IGSF3: variants seen among roughly 807,000 people sequenced by gnomAD.
The protein encoded by IGSF3 is immunoglobulin superfamily member 3.
Under a neutral mutation model 114.4 loss-of-function variants are expected in IGSF3, and 23 were observed. That is an observed-to-expected ratio of 0.20 (90% CI 0.14 to 0.28). The LOEUF is 0.28. IGSF3 is among the 10% of genes least tolerant of loss of function. IGSF3 has a pLI of 1.00. For synonymous variants in IGSF3, 571 were observed against 645.2 expected, an observed-to-expected ratio of 0.88 and a Z score of 1.74; for missense variants, 1,172 against 1,591.5, an observed-to-expected ratio of 0.74 and a Z score of 4.48.
intron 6 of IGSF3, among the ~76,000 whole-genome samples, chr1:116,602,382 C>T (rs1660629944): frequency 6.6e-6 from 1 of 151,410 alleles, no homozygotes; most frequent in Non-Finnish European, 1.5e-5. Context: ...AAAAACACAC[C>T]AGTACTGGAC....
At chr1:116,643,255 C>T (rs1473240389) in intron 2 of IGSF3, among the ~76,000 whole-genome samples, 1 of 152,246 alleles carries the variant, frequency 6.6e-6, no homozygotes, top group African/African-American at 2.4e-5. Context: ...GAACCCAGGT[C>T]TCTGATTCCC....
rs1659523813 is a variant in IGSF3, at chr1:116,579,828, C to T, written c.2898G>A (p.Glu966=). The change falls in exon 10 of 11, where the codon GAG becomes GAA. Residue 966 remains glutamate (E), a synonymous_variant. Transcript: ENST00000369486. This position sits in a 1 kb window ranked among gnomAD's most constrained non-coding sequence, Gnocchi z 6.4. Reference sequence around the variant, plus strand: ...TACAGTCCAGCTGGAAAGCTGCCTTCTCAGAGACCGTGGCATTGGGGACCA... The same window carrying T: ...TACAGTCCAGCTGGAAAGCTGCCTTTTCAGAGACCGTGGCATTGGGGACCA... ...DTVVPNATVS[E]KAAFQLDCSI... 1 of 1,613,030 alleles carries T rather than the reference C, an allele frequency of 6.2e-7. No homozygotes were observed. Among genetic ancestry groups the T allele is most frequent in the African/African-American group, 1.3e-5 (1 of 74,936 alleles).
rs1042972493 is a variant in IGSF3, at chr1:116,592,515, T to C, written c.2030-3411A>G. On this transcript the variant is annotated intron_variant, in intron 7 of 10. Coordinates refer to ENST00000369486, the MANE Select transcript of IGSF3 (RefSeq NM_001007237.3). This position sits in a 1 kb window ranked among gnomAD's most constrained non-coding sequence, Gnocchi z 4.5. ...AAACTTGGAAGATCTGTGTTTTGTA[T>C]GGTAGGAGAGGCTGTTGTGTTTGTT... Among the ~76,000 whole-genome samples the C allele has an allele frequency of 5.3e-5, 8 of 152,170 alleles. No individual in the cohort carries two copies. Among genetic ancestry groups the C allele is most frequent in the Non-Finnish European group, 1.0e-4 (7 of 68,030 alleles).
chr1:116,638,797 T>C lies in IGSF3; in HGVS notation c.44-22340A>G, dbSNP rs1028734808. On this transcript the variant is annotated intron_variant, in intron 2 of 10. Coordinates refer to ENST00000369486, the MANE Select transcript of IGSF3 (RefSeq NM_001007237.3). The surrounding 1 kb of genome is among the most constrained non-coding windows in gnomAD (Gnocchi z 4.1). ...CAGGCCCTCCCCTAATTGCTCTATA[T>C]GTGTTACAATGTTTAACCCTCACAA... is the stretch of plus-strand genomic sequence containing the variant. Among the ~76,000 whole-genome samples the C allele has an allele frequency of 1.3e-5, 2 of 152,178 alleles. No individual in the cohort carries two copies. The highest frequency in any genetic ancestry group is 2.9e-5 in the Non-Finnish European group (2 of 68,020).
intron 8 of IGSF3, among the ~76,000 whole-genome samples, chr1:116,587,208 G>A (rs1659885272): frequency 6.6e-6 from 1 of 151,878 alleles, no homozygotes; most frequent in Admixed American, 6.6e-5. Context: ...GAAAACAAAT[G>A]TGTGTGTGTG....
chr1:116,651,059 C>G lies in IGSF3; in HGVS notation c.43+15225G>C, dbSNP rs1040959770. Among the ~76,000 whole-genome samples, 7 of 152,240 alleles carry G rather than the reference C, an allele frequency of 4.6e-5. No individual in the cohort carries two copies. Among genetic ancestry groups the G allele is most frequent in the South Asian group, 2.1e-4 (1 of 4,836 alleles). ...ACAGTCCAGCCCACAACCCTTCAGA[C>G]AGAAGTTCCAGGCACAAAAAGGAAG... On this transcript the variant is annotated intron_variant, in intron 2 of 10. Coordinates refer to ENST00000369486, the MANE Select transcript of IGSF3 (RefSeq NM_001007237.3). The surrounding 1 kb of genome is among the most constrained non-coding windows in gnomAD (Gnocchi z 4.4).
At chr1:116,621,614 T>A (rs1222330490) in intron 2 of IGSF3, among the ~76,000 whole-genome samples, 1 of 152,172 alleles carries the variant, frequency 6.6e-6, no homozygotes, top group African/African-American at 2.4e-5. Flanking sequence ...GCTTTTTTTT[T>A]TACATCAATA....
In IGSF3 at chr1:116,613,892, G is replaced by A. The variant is rs2101492886; in HGVS notation, c.705C>T (p.His235=). ...GRTTFRLTIF[H]LQPSDQGEFY... is the part of the protein sequence containing the mutation. The stretch of plus-strand genomic sequence containing the variant: ...ATTCGCCCTGGTCAGAAGGCTGCAG[G>A]TGGAAGATGGTGAGGCGGAAGGTGG... The change falls in exon 4 of 11, where the codon CAC becomes CAT. Residue 235 remains histidine, a synonymous_variant. Transcript: ENST00000369486. 2 of 1,614,026 alleles carry A rather than the reference G, an allele frequency of 1.2e-6. No individual in the cohort carries two copies. The highest frequency in any genetic ancestry group is 1.7e-6 in the Non-Finnish European group (2 of 1,179,880).
rs1660295942 is a variant in IGSF3, at chr1:116,595,267, G to A, written c.2029+4674C>T. Among the ~76,000 whole-genome samples the A allele has an allele frequency of 6.6e-6, 1 of 152,168 alleles. No individual in the cohort carries two copies. Among genetic ancestry groups the A allele is most frequent in the Admixed American group, 6.5e-5 (1 of 15,284 alleles). On this transcript the variant is annotated intron_variant, in intron 7 of 10. Transcript: ENST00000369486. The surrounding 1 kb of genome is among the most constrained non-coding windows in gnomAD (Gnocchi z 4.2). ...TGTTACCATGACAACAGGCCTGAGGGATCTGGGAGGGGCTGAGCTCTCCTC... is the reference window on the plus strand; with the variant it reads ...TGTTACCATGACAACAGGCCTGAGGAATCTGGGAGGGGCTGAGCTCTCCTC...
intron 9 of IGSF3, among the ~76,000 whole-genome samples, chr1:116,581,127 C>A (rs1416346923): frequency 6.6e-6 from 1 of 152,182 alleles, no homozygotes; most frequent in Non-Finnish European, 1.5e-5. Context: ...ATCAGTATCT[C>A]TCCAAGGATT....
chr1:116,652,826 C>A (rs1227921536), intron 2 of IGSF3, among the ~76,000 whole-genome samples: 1 of 152,144 alleles, frequency 6.6e-6, no homozygotes, highest in Non-Finnish European at 1.5e-5. Context: ...GAGAACCAGC[C>A]CTGGACACAA....
chr1:116,611,343 G>A (rs1661010121), intron 4 of IGSF3, among the ~76,000 whole-genome samples: 1 of 152,168 alleles, frequency 6.6e-6, no homozygotes, highest in East Asian at 1.9e-4. Context: ...AGCAAGAGGG[G>A]ACCACCCAGG....
rs1659517788 is a variant in IGSF3, at chr1:116,579,699, C to A, written c.3027G>T (p.Gln1009His). The A allele has an allele frequency of 2.5e-6, 4 of 1,608,664 alleles. No homozygotes were observed. The highest frequency in any genetic ancestry group is 2.5e-6 in the Non-Finnish European group (3 of 1,176,752). Residue 1009 changes from glutamine (Q) to histidine (H), a missense_variant, in exon 10 of 11, where the codon CAG (glutamine) becomes CAT (histidine). Physicochemically the swap from Gln to His is conservative, Grantham distance 24. Around this residue, in one of 3 missense-constraint regions of IGSF3, gnomAD observed 423 missense variants for 509.8 expected, o/e 0.83. Coordinates refer to ENST00000369486, the MANE Select transcript of IGSF3 (RefSeq NM_001007237.3). The surrounding 1 kb of genome is among the most constrained non-coding windows in gnomAD (Gnocchi z 6.4). The stretch of plus-strand genomic sequence containing the variant: ...CCTCCTCCTCCTCCCTTTCCTCTTC[C>A]TGTTCTTCCAGGCCAGGGCTGCTCC... ...GKRSSPGLEE[Q>H]EEEREEEEEE... is the part of the protein sequence containing the mutation.
chr1:116,611,647 C>A (rs1427692182), intron 4 of IGSF3, among the ~76,000 whole-genome samples: 2 of 152,044 alleles, frequency 1.3e-5, no homozygotes, highest in African/African-American at 4.8e-5. Context: ...TTATGCTTCT[C>A]CTCCTGCTGA....
In IGSF3 at chr1:116,595,086, G is replaced by T. The variant is rs1392189110; in HGVS notation, c.2029+4855C>A. Among the ~76,000 whole-genome samples, 1 of 152,132 alleles carries T rather than the reference G, an allele frequency of 6.6e-6. No individual in the cohort carries two copies. The highest frequency in any genetic ancestry group is 1.9e-4 in the East Asian group (1 of 5,174). On this transcript the variant is annotated intron_variant, in intron 7 of 10. Coordinates refer to ENST00000369486, the MANE Select transcript of IGSF3 (RefSeq NM_001007237.3). The surrounding 1 kb of genome is among the most constrained non-coding windows in gnomAD (Gnocchi z 4.2). ...GGCACTTAGTAGGTGCTCAATGCAT[G>T]CAGAGAGACAGGGAGGGAGGGGCAA...
At chr1:116,590,059 C>T (rs748483992) in intron 7 of IGSF3, among the ~76,000 whole-genome samples, 7 of 151,484 alleles carry the variant, frequency 4.6e-5, no homozygotes, top group Admixed American at 2.0e-4. Context: ...GAGGATGCTG[C>T]GGGCGGGGGG....
chr1:116,597,867 T>C (rs1403369130), intron 7 of IGSF3, among the ~76,000 whole-genome samples: 1 of 152,228 alleles, frequency 6.6e-6, no homozygotes, highest in Non-Finnish European at 1.5e-5. Flanking sequence ...CCAACCACTT[T>C]GAGCCTTGGT....
chr1:116,611,000 A>G lies in IGSF3; in HGVS notation c.833-2669T>C, dbSNP rs745777291. Among the ~76,000 whole-genome samples the G allele has an allele frequency of 5.3e-5, 8 of 152,196 alleles. No homozygotes were observed. Among genetic ancestry groups the G allele is most frequent in the Non-Finnish European group, 1.2e-4 (8 of 68,028 alleles). On this transcript the variant is annotated intron_variant, in intron 4 of 10. Coordinates refer to ENST00000369486, the MANE Select transcript of IGSF3 (RefSeq NM_001007237.3). This position sits in a 1 kb window ranked among gnomAD's most constrained non-coding sequence, Gnocchi z 4.3. ...CAGTTCAAGGAACCCCCAGAGCCCCAGTCCTAGCCCCTGGACTTCTAGACA... is the reference window on the plus strand; with the variant it reads ...CAGTTCAAGGAACCCCCAGAGCCCCGGTCCTAGCCCCTGGACTTCTAGACA...
In IGSF3 at chr1:116,588,906, G is replaced by C; in HGVS notation, c.2228C>G (p.Thr743Ser). 1 of 1,614,196 alleles carries C rather than the reference G, an allele frequency of 6.2e-7. No individual in the cohort carries two copies. Among genetic ancestry groups the C allele is most frequent in the Non-Finnish European group, 8.5e-7 (1 of 1,180,024 alleles). The change falls in exon 8 of 11, where the codon ACT becomes AGT. Residue 743 changes from threonine (T) to serine (S), a missense_variant. Physicochemically the swap from Thr to Ser is moderately conservative, Grantham distance 58 (BLOSUM62 1). Coordinates refer to ENST00000369486, the MANE Select transcript of IGSF3 (RefSeq NM_001007237.3). The surrounding 1 kb of genome is among the most constrained non-coding windows in gnomAD (Gnocchi z 4.9). ...TTHNSAFEYG[T>S]YAEEEGLRAR... is the part of the protein sequence containing the mutation. Reference sequence around the variant, plus strand: ...TCTCAGGCCCTCCTCCTCGGCGTAAGTACCGTATTCAAAGGCGGAGTTGTG... The same window carrying C: ...TCTCAGGCCCTCCTCCTCGGCGTAACTACCGTATTCAAAGGCGGAGTTGTG...
Sources: gnomAD v4.1 joint callset for allele counts (sites outside exome capture counted in the v4.1 genomes callset) on GRCh38, gnomAD v4.1.1 for gene constraint, gnomAD v4.1.1 regional missense constraint, Gnocchi (gnomAD v3.1) non-coding constraint, MANE v1.5 for transcripts, NCBI Gene and HGNC (gene_info 2026-07-23, HGNC 2026-07-21) for gene names.